Variants in EFNA5 observed in about 807,000 individuals in gnomAD.
EFNA5 encodes ephrin-A5.
In EFNA5, 5 loss-of-function variants were observed where a neutral mutation model predicts 22.9. That is an observed-to-expected ratio of 0.22 (90% confidence interval 0.11 to 0.46). The LOEUF is 0.46. EFNA5 is among the 20% of genes least tolerant of loss of function. EFNA5 has a pLI of 0.99. For missense variants in EFNA5, 237 were observed against 293.3 expected (o/e 0.81, Z 1.40); for synonymous variants, 113 against 112.2 (o/e 1.01, Z -0.04).
intron 1 of EFNA5, among the ~76,000 whole-genome samples, chr5:107,654,134 C>T (rs1482742045): frequency 6.6e-6 from 1 of 151,980 alleles, no homozygotes; most frequent in Non-Finnish European, 1.5e-5. Context: ...AAAAAAAAGT[C>T]ACAAATACTC....
chr5:107,646,477 A>G (rs1750635762), intron 1 of EFNA5, among the ~76,000 whole-genome samples: 1 of 152,184 alleles, frequency 6.6e-6, no homozygotes, highest in Non-Finnish European at 1.5e-5. Flanking sequence ...AAAAGAAACC[A>G]AGTAGATTAT....
chr5:107,653,405 T>C (rs1271907072), intron 1 of EFNA5, among the ~76,000 whole-genome samples: 2 of 152,154 alleles, frequency 1.3e-5, no homozygotes, highest in Non-Finnish European at 2.9e-5. Flanking sequence ...GTGGGCCCTG[T>C]TAATTTCCCT....
intron 1 of EFNA5, among the ~76,000 whole-genome samples, chr5:107,461,973 T>TTAACTAAATTCCA (rs1469641228): frequency 6.6e-6 from 1 of 152,162 alleles, no homozygotes; most frequent in African/African-American, 2.4e-5. Context: ...AGGCTACACA[T>TTAACTAAATTCCA]TAACTAAATT....
Position 107,484,134 on chromosome 5 carries a change from T to C in EFNA5, c.126-56625A>G, listed in dbSNP as rs528498398. 1.3e-3 allele frequency among the ~76,000 whole-genome samples: 198 copies of C among 152,312 alleles called. 1 individual carries two copies. Among genetic ancestry groups the C allele is most frequent in the African/African-American group, 4.5e-3 (189 of 41,568 alleles). ...TGTCAAACAGATTCATGGTAACTCCTAATTAGTGCAAAACAGGTAACACAG... is the reference window on the plus strand; with the variant it reads ...TGTCAAACAGATTCATGGTAACTCCCAATTAGTGCAAAACAGGTAACACAG... On this transcript the variant is annotated intron_variant, in intron 1 of 4. Coordinates refer to ENST00000333274, the MANE Select transcript of EFNA5 (RefSeq NM_001962.3).
chr5:107,562,627 T>G (rs1347626020), intron 1 of EFNA5, among the ~76,000 whole-genome samples: 1 of 152,172 alleles, frequency 6.6e-6, no homozygotes, highest in Non-Finnish European at 1.5e-5. Context: ...TAAAAGAAGC[T>G]GAGCATCATT....
rs139884276 is a variant in EFNA5, at chr5:107,513,336, A to G, written c.126-85827T>C. ...AAGGAAACACTCGCTTGGGAGCTCA[A>G]TTAATAATAAAATGTGATGAGCATG... On this transcript the variant is annotated intron_variant, in intron 1 of 4. Coordinates refer to ENST00000333274, the MANE Select transcript of EFNA5 (RefSeq NM_001962.3). 1.5e-3 allele frequency among the ~76,000 whole-genome samples: 224 copies of G among 152,276 alleles called. 2 individuals are homozygous for G. The East Asian group carries it at 0.031, about 21-fold the overall frequency.
At chr5:107,550,703 G>A (rs1748275429) in intron 1 of EFNA5, among the ~76,000 whole-genome samples, 1 of 151,972 alleles carries the variant, frequency 6.6e-6, no homozygotes, top group Non-Finnish European at 1.5e-5. Context: ...TTTCAATTTG[G>A]CCACCATCAT....
chr5:107,532,552 A>G (rs557209300), intron 1 of EFNA5, among the ~76,000 whole-genome samples: 1 of 152,322 alleles, frequency 6.6e-6, no homozygotes, highest in South Asian at 2.1e-4. Flanking sequence ...CCACGGTCCA[A>G]TGTGGGACGG....
Position 107,377,465 on chromosome 5 carries a change from A to C in EFNA5, c.*3790T>G, listed in dbSNP as rs1424315279. 6.6e-6 allele frequency: 1 copy of C among 152,194 alleles called. No homozygotes were observed. The highest frequency in any genetic ancestry group is 1.5e-5 in the Non-Finnish European group (1 of 68,034). The allele number at this position is 152,194 out of a possible 1,614,324, so 9.4% of individuals were successfully genotyped here. On this transcript the variant is annotated 3_prime_UTR_variant, in exon 5 of 5. Coordinates refer to ENST00000333274, the MANE Select transcript of EFNA5 (RefSeq NM_001962.3). Reference sequence around the variant, plus strand: ...GTTGGTGGAGGCGGTTTTCAAAAGAAAAGTCAGTGACCACAACTCTGAGAG... The same window carrying C: ...GTTGGTGGAGGCGGTTTTCAAAAGACAAGTCAGTGACCACAACTCTGAGAG...
chr5:107,382,336 C>T (rs1383407914), intron 4 of EFNA5, among the ~76,000 whole-genome samples: 2 of 152,086 alleles, frequency 1.3e-5, no homozygotes, highest in Non-Finnish European at 2.9e-5. Context: ...TCCACCTGAC[C>T]TAACTTATGC....
chr5:107,567,884 T>C lies in EFNA5; in HGVS notation c.125+102605A>G, dbSNP rs115121839. Reference sequence around the variant, plus strand: ...CTAATATTTACATTCAAGTTCTTTTTTGTTATTGTTGTTTATTTTATTTTC... The same window carrying C: ...CTAATATTTACATTCAAGTTCTTTTCTGTTATTGTTGTTTATTTTATTTTC... On this transcript the variant is annotated intron_variant, in intron 1 of 4. Transcript: ENST00000333274. 5.7e-3 allele frequency among the ~76,000 whole-genome samples: 872 copies of C among 152,250 alleles called. 7 individuals carry two copies. The highest frequency in any genetic ancestry group is 0.013 in the Admixed American group (202 of 15,302).
intron 1 of EFNA5, among the ~76,000 whole-genome samples, chr5:107,489,666 C>G (rs559283654): frequency 1.7e-4 from 25 of 147,592 alleles, no homozygotes; most frequent in Non-Finnish European, 3.3e-4. Context: ...ACCTACCCCC[C>G]CCACCAAGAT....
chr5:107,520,787 T>C (rs1404205470), intron 1 of EFNA5, among the ~76,000 whole-genome samples: 1 of 152,218 alleles, frequency 6.6e-6, no homozygotes, highest in Admixed American at 6.5e-5. Context: ...AGTGAATGGG[T>C]AGTAATCACT....
At chr5:107,591,319 T>A in intron 1 of EFNA5, among the ~76,000 whole-genome samples, 1 of 152,156 alleles carries the variant, frequency 6.6e-6, no homozygotes, top group East Asian at 1.9e-4. Context: ...ACACTGTCCA[T>A]ATTAACATTC....
rs77134363 is a variant in EFNA5 at position 107,476,515 on chromosome 5, T to C, written c.126-49006A>G. 7.7e-3 allele frequency among the ~76,000 whole-genome samples: 1,176 copies of C among 152,224 alleles called. 19 individuals are homozygous for C. The highest frequency in any genetic ancestry group is 0.027 in the African/African-American group (1,134 of 41,520). ...AGAGTTTCAAAACAGACCCTTCTAT[T>C]CCTGCTGTTTCTCCCTCTGGTTTCA... On this transcript the variant is annotated intron_variant, in intron 1 of 4. Coordinates refer to ENST00000333274, the MANE Select transcript of EFNA5 (RefSeq NM_001962.3).
At chr5:107,413,989 A>G (rs6868410) in intron 2 of EFNA5, among the ~76,000 whole-genome samples, 33,624 of 152,012 alleles carry the variant, frequency 0.22, 3,934 homozygotes, top group South Asian at 0.33. Context: ...TACTGTTGAC[A>G]TGACCCTTCC....
chr5:107,392,023 T>C (rs1747805090), intron 2 of EFNA5, among the ~76,000 whole-genome samples: 2 of 152,204 alleles, frequency 1.3e-5, no homozygotes, highest in African/African-American at 4.8e-5. Flanking sequence ...ATGACGATAT[T>C]CAGTGCCCCC....
At chr5:107,400,583 C>T (rs1748057691) in intron 2 of EFNA5, among the ~76,000 whole-genome samples, 1 of 152,194 alleles carries the variant, frequency 6.6e-6, no homozygotes, top group Admixed American at 6.5e-5. Flanking sequence ...GAAGCAGGAA[C>T]CATTCTTTAA....
intron 2 of EFNA5, among the ~76,000 whole-genome samples, chr5:107,401,697 T>C (rs1023940694): frequency 1.3e-5 from 2 of 152,110 alleles, no homozygotes; most frequent in Admixed American, 6.6e-5. Flanking sequence ...ACTCTATATA[T>C]TGGGGAAATT....
Sources: allele counts gnomAD v4.1 joint callset (sites outside exome capture counted in the v4.1 genomes callset), GRCh38; gene constraint gnomAD v4.1.1; transcripts MANE v1.5; gene names NCBI Gene and HGNC (gene_info 2026-07-23, HGNC 2026-07-21).